The following SETD1A variants were observed in gnomAD, a reference collection of about 807,000 sequenced individuals.
The protein encoded by SETD1A is SET domain containing 1A, histone lysine methyltransferase, also known as histone-lysine N-methyltransferase SETD1A.
A neutral mutation model predicts 149.9 loss-of-function variants in SETD1A; 29 were observed. The ratio of observed to expected loss-of-function variants is 0.19; its 90% CI spans 0.14 to 0.26. The LOEUF (loss-of-function observed/expected upper bound fraction) is 0.26, where lower values mean the gene tolerates loss of function less well. Among genes scored for constraint, SETD1A ranks in the 10% least tolerant of loss-of-function variants. SETD1A has a pLI of 1.00. For missense variants in SETD1A, 2,109 were observed against 2,353.1 expected (o/e 0.90, Z 2.15); for synonymous variants, 1,141 against 968.5 (o/e 1.18, Z -3.31).
Position 30,961,467 on chromosome 16 carries a change from G to A in SETD1A, c.447G>A (p.Lys149=). The change falls in exon 4 of 19, where the codon AAG becomes AAA. Residue 149 remains lysine, a synonymous_variant. Coordinates refer to ENST00000262519, the MANE Select transcript of SETD1A (RefSeq NM_014712.3). This position sits in a 1 kb window ranked among gnomAD's most constrained non-coding sequence, Gnocchi z 4.0. The part of the protein sequence containing the change: ...RVLFTSTRGA[K]ETVKNLHLTS... ...TCTTCACCAGCACTCGGGGCGCCAAGGAAACGGTCAAAAACCTCCACCTTA... is the reference window on the plus strand; with the variant it reads ...TCTTCACCAGCACTCGGGGCGCCAAAGAAACGGTCAAAAACCTCCACCTTA... The A allele has an allele frequency of 1.2e-6, 2 of 1,614,142 alleles. No individual in the cohort carries two copies. Among genetic ancestry groups the A allele is most frequent in the Non-Finnish European group, 1.7e-6 (2 of 1,180,018 alleles).
rs1197240682 is a variant in SETD1A at position 30,984,578 on chromosome 16, CT to C, written c.*559del. On this transcript the variant is annotated 3_prime_UTR_variant, in exon 19 of 19. Coordinates refer to ENST00000262519, the MANE Select transcript of SETD1A (RefSeq NM_014712.3). ...CAGGCCAGGATGGCGGGGTGGGTCC[CT>C]TTTGCTGGGCTGGACTGTACATATG... is the stretch of plus-strand genomic sequence containing the variant. The C allele has an allele frequency of 1.3e-5, 2 of 159,672 alleles. No individual in the cohort carries two copies. The highest frequency in any genetic ancestry group is 2.8e-5 in the Non-Finnish European group (2 of 71,876). The allele number at this position is 159,672 out of a possible 1,614,324, so 9.9% of individuals were successfully genotyped here.
Position 30,984,368 on chromosome 16 carries a change from T to G in SETD1A, c.*345T>G. On this transcript the variant is annotated 3_prime_UTR_variant, in exon 19 of 19. Coordinates refer to ENST00000262519, the MANE Select transcript of SETD1A (RefSeq NM_014712.3). ...CCTCTTGCTTTGTGTTAATGGGGACTTCCCCTTACGCCCTGCGTGTACCCC... is the reference window on the plus strand; with the variant it reads ...CCTCTTGCTTTGTGTTAATGGGGACGTCCCCTTACGCCCTGCGTGTACCCC... 5 of 247,702 alleles carry G rather than the reference T, an allele frequency of 2.0e-5. No homozygotes were observed. The highest frequency in any genetic ancestry group is 2.4e-5 in the Non-Finnish European group (3 of 126,596). 15.3% of individuals were successfully genotyped at this position (247,702 alleles called of 1,614,324 possible). A position where few individuals can be genotyped will look rare whatever the true frequency, so the allele number is the denominator to read the frequency against.
chr16:30,966,142 T>C lies in SETD1A; in HGVS notation c.2261T>C (p.Met754Thr), dbSNP rs78742336. 1 of 1,604,688 alleles carries C rather than the reference T, an allele frequency of 6.2e-7. No homozygotes were observed. The highest frequency in any genetic ancestry group is 8.5e-7 in the Non-Finnish European group (1 of 1,174,884). The stretch of plus-strand genomic sequence containing the variant: ...GAGGCCTACCACCTGCCCATGCCAA[T>C]GGCAGCCGAGCCCCTGCCCTCCTCC... ...SREAYHLPMP[M>T]AAEPLPSSSV... Residue 754 changes from methionine to threonine, a missense_variant, in exon 8 of 19, where the codon ATG becomes ACG. This residue lies in a region of SETD1A where 431 missense variants were observed against 388.6 expected (regional missense o/e 1.11). Transcript: ENST00000262519.
In SETD1A at chr16:30,980,696, C is replaced by A. The variant is rs75921892; in HGVS notation, c.4581+39C>A. The A allele has an allele frequency of 1.9e-3, 3,088 of 1,610,664 alleles. 53 individuals are homozygous for A. In the African/African-American group the frequency reaches 0.037, roughly 19 times the overall value. Reference sequence around the variant, plus strand: ...CGCCGCCGCGTCCTCCTGCCACTCACTTCCCTGCCCTGCTCACCTCCTCCC... The same window carrying A: ...CGCCGCCGCGTCCTCCTGCCACTCAATTCCCTGCCCTGCTCACCTCCTCCC... On this transcript the variant is annotated intron_variant, in intron 15 of 18. Transcript: ENST00000262519. This position sits in a 1 kb window ranked among gnomAD's most constrained non-coding sequence, Gnocchi z 7.7.
chr16:30,959,208 G>A, intron 3 of SETD1A, 22 bp downstream of exon 3: 4 of 1,465,040 alleles, frequency 2.7e-6, no homozygotes, highest in Non-Finnish European at 3.8e-6. Context: ...CTGGGCTCCT[G>A]GTGTGGTAGT....
Position 30,983,973 on chromosome 16 carries a change from A to C in SETD1A, c.5074A>C (p.Lys1692Gln). The C allele has an allele frequency of 6.2e-7, 1 of 1,614,110 alleles. No individual in the cohort carries two copies. The highest frequency in any genetic ancestry group is 8.5e-7 in the Non-Finnish European group (1 of 1,179,996). Reference sequence around the variant, plus strand: ...CTACAAGTTCCCACTGGAAGACAACAAGATCCCGTGTCTGTGTGGCACAGA... The same window carrying C: ...CTACAAGTTCCCACTGGAAGACAACCAGATCCCGTGTCTGTGTGGCACAGA... ...YDYKFPLEDN[K>Q]IPCLCGTESC... is the part of the protein sequence containing the mutation. The change falls in exon 19 of 19, where the codon AAG becomes CAG. Residue 1692 changes from lysine (K) to glutamine (Q), a missense_variant. Lys to Gln is a moderately conservative substitution (Grantham distance 53, BLOSUM62 1). This residue lies in a region of SETD1A where 254 missense variants were observed against 409.3 expected (regional missense o/e 0.62). Transcript: ENST00000262519. The surrounding 1 kb of genome is among the most constrained non-coding windows in gnomAD (Gnocchi z 6.8).
Position 30,971,735 on chromosome 16 carries a change from C to A in SETD1A, c.3358+16C>A. ...AGGCCTGCAGGTAGGTGCCACAGGG[C>A]TGTCGGTTAGATCGCTGTGTGTGTG... On this transcript the variant is annotated intron_variant, in intron 13 of 18. Coordinates refer to ENST00000262519, the MANE Select transcript of SETD1A (RefSeq NM_014712.3). 2 of 1,539,296 alleles carry A rather than the reference C, an allele frequency of 1.3e-6. No homozygotes were observed. Among genetic ancestry groups the A allele is most frequent in the Non-Finnish European group, 8.8e-7 (1 of 1,141,232 alleles).
Position 30,961,006 on chromosome 16 carries a change from G to A in SETD1A, c.247-261G>A, listed in dbSNP as rs2056045616. ...GATCCGTCCACCTCATCCTCCCAAA[G>A]TGTTGGGATTATAAGTGTGAGCTGC... On this transcript the variant is annotated intron_variant, in intron 3 of 18. Transcript: ENST00000262519. The surrounding 1 kb of genome is among the most constrained non-coding windows in gnomAD (Gnocchi z 4.0). Among the ~76,000 whole-genome samples the A allele has an allele frequency of 6.6e-6, 1 of 151,922 alleles. No homozygotes were observed. Among genetic ancestry groups the A allele is most frequent in the Non-Finnish European group, 1.5e-5 (1 of 67,982 alleles).
rs1488923169 is a variant in SETD1A at position 30,983,272 on chromosome 16, C to T, written c.4813-363C>T. 6.6e-6 allele frequency among the ~76,000 whole-genome samples: 1 copy of T among 152,166 alleles called. No individual in the cohort carries two copies. The highest frequency in any genetic ancestry group is 1.5e-5 in the Non-Finnish European group (1 of 68,020). On this transcript the variant is annotated intron_variant, in intron 17 of 18. Transcript: ENST00000262519. The surrounding 1 kb of genome is among the most constrained non-coding windows in gnomAD (Gnocchi z 6.8). ...CCAGGGAGGAGAGATGAGCAGGGTG[C>T]CGTTGGTGACATGGCCAGTCATTTC...
chr16:30,979,097 G>T, intron 13 of SETD1A, 48 bp from the exon 14 acceptor site: 1 of 1,488,590 alleles, frequency 6.7e-7, no homozygotes. Flanking sequence ...GGGTGGCTGA[G>T]CCTGGGTCTC....
chr16:30,968,435 T>C (rs1186816224), intron 10 of SETD1A, among the ~76,000 whole-genome samples: 2 of 150,316 alleles, frequency 1.3e-5, no homozygotes, highest in African/African-American at 2.5e-5. Context: ...TATATATATA[T>C]GTACACACAC....
intron 13 of SETD1A, among the ~76,000 whole-genome samples, chr16:30,977,659 C>A (rs1434251585): frequency 1.3e-5 from 2 of 152,254 alleles, no homozygotes; most frequent in African/African-American, 2.4e-5. Flanking sequence ...CTGCATGCAT[C>A]TGGGTCCTCA....
intron 12 of SETD1A, among the ~76,000 whole-genome samples, chr16:30,970,420 A>C (rs1488208272): frequency 2.6e-5 from 4 of 151,884 alleles, no homozygotes; most frequent in African/African-American, 9.7e-5. Flanking sequence ...GGTGTGAGCC[A>C]CCACACCTGG....
At chr16:30,976,648 A>G (rs138991148) in intron 13 of SETD1A, among the ~76,000 whole-genome samples, 49 of 152,218 alleles carry the variant, frequency 3.2e-4, no homozygotes, top group African/African-American at 1.1e-3. Flanking sequence ...ACAGTGGGGA[A>G]TGTTGGAGAG....
Position 30,958,764 on chromosome 16 carries a change from G to T in SETD1A, c.33G>T (p.Lys11Asn). Residue 11 changes from lysine to asparagine, a missense_variant, in exon 2 of 19, where the codon AAG (lysine) becomes AAT (asparagine). By Grantham distance (94) the Lys-to-Asn change is moderately conservative. Around this residue, in one of 8 missense-constraint regions of SETD1A, gnomAD observed 75 missense variants for 95.3 expected, o/e 0.79. Transcript: ENST00000262519. MDQEGGGDGQKAPSFQWRNYK... is the reference protein window; with the variant it reads MDQEGGGDGQNAPSFQWRNYK... The stretch of plus-strand genomic sequence containing the variant: ...AGGAAGGTGGGGGAGATGGGCAGAA[G>T]GCCCCGAGCTTCCAGTGGCGGAACT... 6.2e-7 allele frequency: 1 copy of T among 1,614,198 alleles called. No individual in the cohort carries two copies. The highest frequency in any genetic ancestry group is 8.5e-7 in the Non-Finnish European group (1 of 1,180,012).
rs1345386701 is a variant in SETD1A at position 30,961,781 on chromosome 16, A to G, written c.517+244A>G. Among the ~76,000 whole-genome samples, 1 of 152,208 alleles carries G rather than the reference A, an allele frequency of 6.6e-6. No homozygotes were observed. Among genetic ancestry groups the G allele is most frequent in the Non-Finnish European group, 1.5e-5 (1 of 68,028 alleles). On this transcript the variant is annotated intron_variant, in intron 4 of 18. Transcript: ENST00000262519. The surrounding 1 kb of genome is among the most constrained non-coding windows in gnomAD (Gnocchi z 4.0). ...CACATAACTATCTGTAAAAAAAAAA[A>G]AAAATCATATGAAGGGTTGTACTAG...
intron 10 of SETD1A, 88 bp downstream of exon 10, chr16:30,967,676 C>T: frequency 9.1e-7 from 1 of 1,102,692 alleles, no homozygotes; most frequent in Non-Finnish European, 1.4e-6. Context: ...GTCAGGTCGT[C>T]CTGAGGGCAC....
chr16:30,964,764 C>T lies in SETD1A; in HGVS notation c.1022C>T (p.Ser341Phe), dbSNP rs138671480. The change falls in exon 7 of 19, where the codon TCC becomes TTC. Residue 341 changes from serine (S) to phenylalanine (F), a missense_variant. Transcript: ENST00000262519. The part of the protein sequence containing the change: ...TAATASSSAS[S>F]SSLSSSSSSS... ...GCCACTGCCTCATCCTCCGCCTCTT[C>T]CTCCTCATTGTCCTCGTCCTCCTCG... is the stretch of plus-strand genomic sequence containing the variant. The T allele has an allele frequency of 6.3e-4, 1,010 of 1,614,088 alleles. 9 individuals are homozygous for T. Among genetic ancestry groups the T allele is most frequent in the Admixed American group, 8.0e-4 (48 of 60,010 alleles).
At chr16:30,982,500 CAA>C (rs61490592) in intron 17 of SETD1A, among the ~76,000 whole-genome samples, 8 of 124,534 alleles carry the variant, frequency 6.4e-5, no homozygotes, top group African/African-American at 6.4e-5. Flanking sequence ...GACTCCGTCT[CAA>C]AAAAAAAAAA....
Sources: allele counts gnomAD v4.1 joint callset (sites outside exome capture counted in the v4.1 genomes callset), GRCh38; gene constraint gnomAD v4.1.1; regional missense constraint gnomAD v4.1.1; non-coding constraint Gnocchi (gnomAD v3.1); transcripts MANE v1.5; gene names NCBI Gene and HGNC (gene_info 2026-07-23, HGNC 2026-07-21).